GSTZ1: variants seen among roughly 807,000 people sequenced by gnomAD.
GSTZ1 encodes glutathione S-transferase zeta 1, also known as maleylacetoacetate isomerase.
In GSTZ1, 34 loss-of-function variants were observed where a neutral mutation model predicts 35.9. The ratio of observed to expected loss-of-function variants is 0.95; its 90% CI spans 0.72 to 1.26. GSTZ1 has a LOEUF of 1.26. Ranked by LOEUF, GSTZ1 falls within the 50% of genes most tolerant of loss-of-function variation. The pLI, the probability that GSTZ1 is intolerant of heterozygous loss-of-function variation, is 0.00. For synonymous variants in GSTZ1, 93 were observed against 101.2 expected, an observed-to-expected ratio of 0.92 and a Z score of 0.49; for missense variants, 263 against 271.7, an observed-to-expected ratio of 0.97 and a Z score of 0.23.
intron 6 of GSTZ1, 117 bp from the exon 7 acceptor site, chr14:77,329,638 A>T (rs556691403): frequency 2.5e-6 from 2 of 792,136 alleles, no homozygotes; most frequent in Middle Eastern, 2.3e-4. Context: ...ACCAGCAGCC[A>T]TGCCCAGTCT....
In GSTZ1 at chr14:77,329,519, T is replaced by A. The variant is rs1892502744; in HGVS notation, c.422-236T>A. 8.4e-6 allele frequency: 5 copies of A among 595,324 alleles called. No homozygotes were observed. In the East Asian group the frequency reaches 1.4e-4, roughly 17 times the overall value. The allele number at this position is 595,324 out of a possible 1,614,324, so 36.9% of individuals were successfully genotyped here. A position where few individuals can be genotyped will look rare whatever the true frequency, so the allele number is the denominator to read the frequency against. On this transcript the variant is annotated intron_variant, in intron 6 of 8. Transcript: ENST00000216465. ...GAGTGAGAGCTGTCACCGTGGCCAG[T>A]GGCAGGGCTTGTCCACTCGAGTGGG...
chr14:77,330,206 A>G (rs751960534), intron 7 of GSTZ1, 104 bp from the exon 8 acceptor site: 1 of 848,694 alleles, frequency 1.2e-6, no homozygotes, highest in Non-Finnish European at 2.1e-6. Flanking sequence ...AAAGAGCCGA[A>G]GCAGATTGTT....
chr14:77,326,791 A>T, intron 2 of GSTZ1, 47 bp from the exon 3 acceptor site: 1 of 1,380,072 alleles, frequency 7.2e-7, no homozygotes. Flanking sequence ...CTTTAAGAGT[A>T]CGGCGAGAGG....
Position 77,321,127 on chromosome 14 carries a change from G to T in GSTZ1, c.-42G>T, listed in dbSNP as rs879117750. On this transcript the variant is annotated 5_prime_UTR_variant, in exon 1 of 9. Transcript: ENST00000216465. ...TTAGTCGTCGGCAGGTCCCAGGCGCGAAGTTTCTCGGCCTGGAGGAGGGGG... is the reference window on the plus strand; with the variant it reads ...TTAGTCGTCGGCAGGTCCCAGGCGCTAAGTTTCTCGGCCTGGAGGAGGGGG... The T allele has an allele frequency of 2.8e-6, 4 of 1,443,558 alleles. No individual in the cohort carries two copies. In the South Asian group the frequency reaches 4.4e-5, roughly 16 times the overall value. 89.4% of individuals were successfully genotyped at this position (1,443,558 alleles called of 1,614,324 possible).
At chr14:77,329,300 T>C in intron 6 of GSTZ1, 99 bp downstream of exon 6, 1 of 838,238 alleles carries the variant, frequency 1.2e-6, no homozygotes, top group Non-Finnish European at 2.1e-6. Context: ...CCCAGGCTGC[T>C]TTGGGCCTGA....
intron 1 of GSTZ1, among the ~76,000 whole-genome samples, chr14:77,322,145 C>T (rs191178968): frequency 2.0e-5 from 3 of 152,232 alleles, no homozygotes; most frequent in East Asian, 3.9e-4. Context: ...AATGTATAGT[C>T]CTCCCTCTTC....
Position 77,328,045 on chromosome 14 carries a change from AC to A in GSTZ1, c.342+9del. 4 of 1,613,302 alleles carry A rather than the reference AC, an allele frequency of 2.5e-6. No individual in the cohort carries two copies. The highest frequency in any genetic ancestry group is 3.4e-6 in the Non-Finnish European group (4 of 1,179,776). ...GGCATCCAGCCCCTGCAGGTGTGGC[AC>A]TTGTACACTTGCACCCTTGCACACC... is the stretch of plus-strand genomic sequence containing the variant. On this transcript the variant is annotated intron_variant, in intron 5 of 8. Coordinates refer to ENST00000216465, the MANE Select transcript of GSTZ1 (RefSeq NM_145870.3).
chr14:77,329,073 G>T (rs1370696999), intron 5 of GSTZ1, 50 bp from the exon 6 acceptor site: 3 of 1,311,772 alleles, frequency 2.3e-6, no homozygotes, highest in Non-Finnish European at 3.3e-6. Flanking sequence ...CGAAGGGGTA[G>T]CCCCCACCCA....
chr14:77,330,948 T>C (rs1892595824), intron 8 of GSTZ1, 121 bp from the exon 9 acceptor site: 17 of 879,012 alleles, frequency 1.9e-5, no homozygotes, highest in Non-Finnish European at 3.6e-6. Context: ...TGCCCCATCG[T>C]CCTTCCCTGG....
At chr14:77,321,488 TA>T in intron 1 of GSTZ1, 1 of 1,446,240 alleles carries the variant, frequency 6.9e-7, no homozygotes, top group South Asian at 1.3e-5. Flanking sequence ...CTCCCTCCAC[TA>T]AGGCTTCCAA....
At chr14:77,324,773 A>C in intron 1 of GSTZ1, 97 bp from the exon 2 acceptor site, 1 of 1,273,542 alleles carries the variant, frequency 7.9e-7, no homozygotes, top group Admixed American at 1.7e-5. Flanking sequence ...GGCCTGAGAG[A>C]GGAGGCCTGG....
intron 7 of GSTZ1, 116 bp from the exon 8 acceptor site, chr14:77,330,194 T>C (rs1213144846): frequency 3.6e-6 from 3 of 826,578 alleles, no homozygotes; most frequent in Non-Finnish European, 6.5e-6. Context: ...GTGGGATGGG[T>C]GAAAGAGCCG....
At chr14:77,326,633 C>G (rs1340864517) in intron 2 of GSTZ1, 4 of 549,990 alleles carry the variant, frequency 7.3e-6, no homozygotes, top group Admixed American at 6.0e-5. Flanking sequence ...GTGAGTGAGG[C>G]AGAGCATCGT....
chr14:77,329,012 A>G (rs1594827220), intron 5 of GSTZ1, 111 bp from the exon 6 acceptor site: 1 of 807,532 alleles, frequency 1.2e-6, no homozygotes, highest in Non-Finnish European at 2.2e-6. Context: ...GAGAAGGGAT[A>G]GACATCCAGC....
At chr14:77,324,361 G>A in intron 1 of GSTZ1, 1 of 552,258 alleles carries the variant, frequency 1.8e-6, no homozygotes, top group East Asian at 3.1e-5. Context: ...TGGCCAGGCT[G>A]GTCTCAAACT....
At chr14:77,329,640 G>T (rs576557856) in intron 6 of GSTZ1, 115 bp from the exon 7 acceptor site, 49 of 798,964 alleles carry the variant, frequency 6.1e-5, no homozygotes, top group Middle Eastern at 4.6e-4. Flanking sequence ...CAGCAGCCAT[G>T]CCCAGTCTGT....
intron 7 of GSTZ1, 64 bp downstream of exon 7, chr14:77,329,871 C>T: frequency 8.0e-7 from 1 of 1,247,722 alleles, no homozygotes. Flanking sequence ...GCTGACCTCC[C>T]TCAAGCTCAG....
At chr14:77,321,531 C>G (rs906239033) in intron 1 of GSTZ1, 10 of 1,316,870 alleles carry the variant, frequency 7.6e-6, no homozygotes, top group Non-Finnish European at 9.8e-6. Flanking sequence ...TTTCTCGCAG[C>G]CCTTCATGCT....
intron 1 of GSTZ1, chr14:77,324,663 C>A: frequency 2.2e-6 from 3 of 1,389,592 alleles, no homozygotes; most frequent in Non-Finnish European, 3.0e-6. Context: ...CTTTGGGGGC[C>A]TCTTGGACCT....
Sources: allele counts gnomAD v4.1 joint callset (sites outside exome capture counted in the v4.1 genomes callset), GRCh38; gene constraint gnomAD v4.1.1; transcripts MANE v1.5; gene names NCBI Gene and HGNC (gene_info 2026-07-23, HGNC 2026-07-21).